The following RMDN2 variants were observed in gnomAD, a reference collection of about 807,000 sequenced individuals.
RMDN2 encodes the protein regulator of microtubule dynamics protein 2.
RMDN2 carries 61 observed loss-of-function variants against 52.8 expected under a neutral mutation model. The observed-to-expected ratio is 1.16, with a 90% CI of 0.94 to 1.43. The LOEUF is 1.43. RMDN2 is among the 40% of genes most tolerant of loss of function. The pLI is 0.00. For missense variants in RMDN2, 592 were observed against 475.3 expected, an observed-to-expected ratio of 1.25 and a Z score of -2.28; for synonymous variants, 180 against 153.1, an observed-to-expected ratio of 1.18 and a Z score of -1.30.
chr2:37,965,271 T>A (rs1670881004), intron 2 of RMDN2, among the ~76,000 whole-genome samples: 1 of 152,012 alleles, frequency 6.6e-6, no homozygotes, highest in Non-Finnish European at 1.5e-5. Context: ...ATTTTGTTAT[T>A]GATTTTGTAT....
chr2:38,024,141 A>G (rs941852459), intron 10 of RMDN2, among the ~76,000 whole-genome samples: 8 of 152,286 alleles, frequency 5.3e-5, no homozygotes, highest in East Asian at 1.9e-4. Flanking sequence ...ATTTCTGAGT[A>G]GTATTTTATA....
intron 5 of RMDN2, among the ~76,000 whole-genome samples, chr2:37,986,738 T>C (rs572752316): frequency 6.6e-6 from 1 of 152,212 alleles, no homozygotes; most frequent in South Asian, 2.1e-4. Context: ...CACTCATTGA[T>C]AGTGCAAAGA....
At chr2:38,024,224 A>T (rs1679605073) in intron 10 of RMDN2, among the ~76,000 whole-genome samples, 1 of 152,170 alleles carries the variant, frequency 6.6e-6, no homozygotes, top group African/African-American at 2.4e-5. Context: ...GTATTTGATT[A>T]TAACAAACAA....
chr2:37,997,927 G>A (rs1459290669), intron 8 of RMDN2: 3 of 169,500 alleles, frequency 1.8e-5, no homozygotes, highest in Non-Finnish European at 3.7e-5. Context: ...AAATAAAAGT[G>A]CTAAAGGAAG....
chr2:37,974,471 T>G (rs1672206878), intron 3 of RMDN2, among the ~76,000 whole-genome samples: 1 of 151,506 alleles, frequency 6.6e-6, no homozygotes, highest in Non-Finnish European at 1.5e-5. Context: ...TTACGCAGAT[T>G]TACTTTTATT....
At chr2:38,049,937 C>T (rs548441877) in intron 10 of RMDN2, among the ~76,000 whole-genome samples, 41 of 152,274 alleles carry the variant, frequency 2.7e-4, no homozygotes, top group South Asian at 6.2e-4. Context: ...ATTATTGTTA[C>T]GGCTAATTAT....
chr2:38,024,789 C>T (rs900177720), intron 10 of RMDN2, among the ~76,000 whole-genome samples: 3 of 152,126 alleles, frequency 2.0e-5, no homozygotes, highest in Non-Finnish European at 4.4e-5. Context: ...GCTGAAAAGA[C>T]TGTTGTTTCT....
rs373142530 is a variant in RMDN2, at chr2:37,946,563, T to C, written c.452+16834T>C. Among the ~76,000 whole-genome samples the C allele has an allele frequency of 5.3e-5, 8 of 152,308 alleles. No individual in the cohort carries two copies. The South Asian group carries it at 1.0e-3, about 20-fold the overall frequency. On this transcript the variant is annotated intron_variant, in intron 2 of 10. Transcript: ENST00000354545. Reference sequence around the variant, plus strand: ...TATCATGAAGTATTTGCATTAATGATGAATGAACATGTGAAGGAAGAAAGT... The same window carrying C: ...TATCATGAAGTATTTGCATTAATGACGAATGAACATGTGAAGGAAGAAAGT...
At chr2:38,040,045 CATTATT>C (rs60031771) in intron 10 of RMDN2, among the ~76,000 whole-genome samples, 4,308 of 141,658 alleles carry the variant, frequency 0.03, 76 homozygotes, top group Non-Finnish European at 0.038. Flanking sequence ...TGTCTAGATT[CATTATT>C]ATTATTATTA....
intron 4 of RMDN2, among the ~76,000 whole-genome samples, chr2:37,977,482 G>C (rs1029399968): frequency 6.6e-6 from 1 of 151,046 alleles, no homozygotes; most frequent in African/African-American, 2.4e-5. Context: ...CCCACCTCCC[G>C]GACGGGGCGG....
chr2:37,951,237 T>G, intron 2 of RMDN2: 1 of 1,579,916 alleles, frequency 6.3e-7, no homozygotes, highest in Non-Finnish European at 8.6e-7. Context: ...TCTTAGCTGC[T>G]GCAAAGAGGA....
chr2:38,047,399 T>C (rs1466802200), intron 10 of RMDN2, among the ~76,000 whole-genome samples: 1 of 152,182 alleles, frequency 6.6e-6, no homozygotes, highest in Non-Finnish European at 1.5e-5. Context: ...ATTAAAAAAG[T>C]AGTATATCCA....
chr2:38,010,802 T>G (rs1395477368), intron 10 of RMDN2, among the ~76,000 whole-genome samples: 1 of 152,188 alleles, frequency 6.6e-6, no homozygotes, highest in Non-Finnish European at 1.5e-5. Flanking sequence ...TCTGCATCAC[T>G]CACGCTCGGA....
intron 2 of RMDN2, among the ~76,000 whole-genome samples, chr2:37,932,786 CCCGG>C (rs1666901333): frequency 7.5e-6 from 1 of 132,654 alleles, no homozygotes; most frequent in Admixed American, 7.1e-5. Context: ...CCCCTCACCT[CCCGG>C]ACGGGGCGGC....
intron 2 of RMDN2, among the ~76,000 whole-genome samples, chr2:37,949,443 C>T (rs1668519802): frequency 6.6e-6 from 1 of 152,110 alleles, no homozygotes; most frequent in African/African-American, 2.4e-5. Context: ...CAATGTGGGA[C>T]AAAGGAGAAC....
At chr2:38,003,608 A>G (rs150339936) in intron 8 of RMDN2, among the ~76,000 whole-genome samples, 20 of 149,952 alleles carry the variant, frequency 1.3e-4, no homozygotes, top group East Asian at 5.9e-4. Flanking sequence ...AGATAGGCAG[A>G]CAGACAGACA....
At position 38,017,471 on chromosome 2, in the gene RMDN2, T is replaced by G; in HGVS notation, c.*232T>G. ...TACATAATCTATAAACATGTATGCT[T>G]TATATTTTTCTTATCAATAAACTGC... On this transcript the variant is annotated 3_prime_UTR_variant, in exon 11 of 11. Transcript: ENST00000354545. 2 of 1,136,762 alleles carry G rather than the reference T, an allele frequency of 1.8e-6. No homozygotes were observed. The highest frequency in any genetic ancestry group is 2.3e-6 in the Non-Finnish European group (2 of 858,530). The allele number at this position is 1,136,762 out of a possible 1,614,324, so 70.4% of individuals were successfully genotyped here.
chr2:37,967,347 A>T (rs1671194642), intron 2 of RMDN2, among the ~76,000 whole-genome samples: 1 of 152,228 alleles, frequency 6.6e-6, no homozygotes, highest in Non-Finnish European at 1.5e-5. Context: ...AATTATTAAC[A>T]AGTGGGATGA....
At chr2:37,973,465 A>G (rs1572882460) in intron 2 of RMDN2, among the ~76,000 whole-genome samples, 1 of 152,226 alleles carries the variant, frequency 6.6e-6, no homozygotes, top group South Asian at 2.1e-4. Flanking sequence ...TGAACCTACC[A>G]TCAGGGAGCT....
Sources: gnomAD v4.1 joint callset for allele counts (sites outside exome capture counted in the v4.1 genomes callset) on GRCh38, gnomAD v4.1.1 for gene constraint, MANE v1.5 for transcripts, NCBI Gene and HGNC (gene_info 2026-07-23, HGNC 2026-07-21) for gene names.